The following OR4N2 variants were observed in gnomAD, a reference collection of about 807,000 sequenced individuals.
OR4N2 encodes olfactory receptor 4N2.
For missense variants in OR4N2, 307 were observed against 377.6 expected, an observed-to-expected ratio of 0.81 and a Z score of 1.55; for synonymous variants, 141 against 140.4, an observed-to-expected ratio of 1.00 and a Z score of -0.03.
chr14:19,817,120 G>A (rs757361752), intron 1 of OR4N2, among the ~76,000 whole-genome samples: 19 of 152,140 alleles, frequency 1.2e-4, no homozygotes, highest in African/African-American at 2.9e-4. Context: ...TTTTTGCATC[G>A]ATGTTCATCA....
rs1415325374 is a variant in OR4N2 at position 19,829,964 on chromosome 14, AT to A, written c.*1593del. The A allele has an allele frequency of 6.6e-6, 1 of 152,252 alleles. No individual in the cohort carries two copies. Among genetic ancestry groups the A allele is most frequent in the Non-Finnish European group, 1.5e-5 (1 of 68,058 alleles). The allele number at this position is 152,252 out of a possible 1,614,324, so 9.4% of individuals were successfully genotyped here. A position where few individuals can be genotyped will look rare whatever the true frequency, so the allele number is the denominator to read the frequency against. On this transcript the variant is annotated 3_prime_UTR_variant, in exon 2 of 2. Coordinates refer to ENST00000557677, the MANE Select transcript of OR4N2 (RefSeq NM_001004723.3). ...GCAGGTGAGAATTCCTTAATCTCCC[AT>A]CACTACCACTATACAACCTGCATCT...
rs1431633969 is a variant in OR4N2 at position 19,827,514 on chromosome 14, T to C, written c.66T>C (p.Asp22=). ...FILLGLTQSQ[D]IQLLVFVLVL... ...TCCTTGGTCTGACCCAGTCTCAAGA[T>C]ATTCAGCTCCTGGTCTTTGTGCTAG... The change falls in exon 2 of 2, where the codon GAT becomes GAC. Residue 22 remains aspartate (D), a synonymous_variant. Transcript: ENST00000557677. 4 of 1,613,618 alleles carry C rather than the reference T, an allele frequency of 2.5e-6. No individual in the cohort carries two copies. In the Admixed American group the frequency reaches 5.0e-5, roughly 20 times the overall value.
chr14:19,814,084 C>T (rs1879367810), intron 1 of OR4N2, among the ~76,000 whole-genome samples: 1 of 152,010 alleles, frequency 6.6e-6, no homozygotes. Context: ...TCTTATTTCA[C>T]TTGTAAAGTG....
chr14:19,812,781 G>A (rs1373868008), intron 1 of OR4N2, among the ~76,000 whole-genome samples: 1 of 152,072 alleles, frequency 6.6e-6, no homozygotes. Context: ...CTTATTGGCC[G>A]TAAACATGTC....
At chr14:19,823,087 T>C (rs1164199809) in intron 1 of OR4N2, among the ~76,000 whole-genome samples, 2 of 152,288 alleles carry the variant, frequency 1.3e-5, no homozygotes, top group African/African-American at 4.8e-5. Flanking sequence ...GTGCTTTATA[T>C]ACTCATCAGC....
chr14:19,812,580 G>GATCTCCT (rs1246105657), intron 1 of OR4N2, among the ~76,000 whole-genome samples: 10 of 152,028 alleles, frequency 6.6e-5, no homozygotes, highest in African/African-American at 2.4e-4. Context: ...GAATGGTCTC[G>GATCTCCT]GTCTCCTGAC....
chr14:19,805,833 A>G (rs1475750424), intron 1 of OR4N2, among the ~76,000 whole-genome samples: 1 of 152,184 alleles, frequency 6.6e-6, no homozygotes, highest in Non-Finnish European at 1.5e-5. Flanking sequence ...AAGAAAGGTC[A>G]GGTTATGTAC....
At chr14:19,805,258 C>G (rs1264590141) in intron 1 of OR4N2, among the ~76,000 whole-genome samples, 1 of 152,138 alleles carries the variant, frequency 6.6e-6, no homozygotes, top group Non-Finnish European at 1.5e-5. Context: ...TAATAAATTA[C>G]TGAAATGACA....
intron 1 of OR4N2, among the ~76,000 whole-genome samples, chr14:19,804,164 AT>A (rs2138456005): frequency 6.6e-6 from 1 of 152,240 alleles, no homozygotes; most frequent in Admixed American, 6.5e-5. Flanking sequence ...GGATTTGTTA[AT>A]CTTTTGTATG....
chr14:19,814,746 T>C (rs890456498), intron 1 of OR4N2, among the ~76,000 whole-genome samples: 23 of 152,254 alleles, frequency 1.5e-4, no homozygotes, highest in African/African-American at 5.5e-4. Context: ...TAGGTAAATA[T>C]GTGCCATGGT....
chr14:19,828,327 A>G lies in OR4N2; in HGVS notation c.879A>G (p.Glu293=), dbSNP rs1432003309. ...NPVIYTLRNQ[E]VKASMKKVFN... ...TCATTTATACCCTTCGCAACCAGGA[A>G]GTGAAAGCTTCCATGAAAAAGGTGT... Residue 293 remains glutamate (E), a synonymous_variant, in exon 2 of 2, where the codon GAA becomes GAG. Transcript: ENST00000557677. 2 of 1,614,024 alleles carry G rather than the reference A, an allele frequency of 1.2e-6. No individual in the cohort carries two copies. The highest frequency in any genetic ancestry group is 2.2e-5 in the East Asian group (1 of 44,884).
At chr14:19,807,227 C>T (rs981946976) in intron 1 of OR4N2, among the ~76,000 whole-genome samples, 3 of 150,158 alleles carry the variant, frequency 2.0e-5, no homozygotes, top group African/African-American at 7.3e-5. Context: ...GATATAACTA[C>T]AAACAGAGAG....
Position 19,828,037 on chromosome 14 carries a change from C to A in OR4N2, c.589C>A (p.Leu197Ile), listed in dbSNP as rs1879765212. 1 of 1,614,132 alleles carries A rather than the reference C, an allele frequency of 6.2e-7. No homozygotes were observed. Among genetic ancestry groups the A allele is most frequent in the Non-Finnish European group, 8.5e-7 (1 of 1,180,054 alleles). The stretch of plus-strand genomic sequence containing the variant: ...CTGCACCGACACATTTGTGGTGGAG[C>A]TTCTGATGGTCTTCAACAGTGGCCT... ...LACTDTFVVE[L>I]LMVFNSGLMT... The change falls in exon 2 of 2, where the codon CTT becomes ATT. Residue 197 changes from leucine (L) to isoleucine (I), a missense_variant. Coordinates refer to ENST00000557677, the MANE Select transcript of OR4N2 (RefSeq NM_001004723.3).
At chr14:19,821,251 G>A (rs1243063907) in intron 1 of OR4N2, among the ~76,000 whole-genome samples, 4 of 152,222 alleles carry the variant, frequency 2.6e-5, no homozygotes, top group East Asian at 3.9e-4. Context: ...ACCCTCCGTG[G>A]GCTGCACCCA....
At chr14:19,816,327 A>G (rs1424629835) in intron 1 of OR4N2, among the ~76,000 whole-genome samples, 2 of 152,248 alleles carry the variant, frequency 1.3e-5, no homozygotes, top group African/African-American at 2.4e-5. Flanking sequence ...CTTCCTATCC[A>G]TGAGCACAGA....
At position 19,830,007 on chromosome 14, in the gene OR4N2, T is replaced by A. The variant is rs1879826861; in HGVS notation, c.*1635T>A. The A allele has an allele frequency of 6.6e-6, 1 of 152,400 alleles. No homozygotes were observed. Among genetic ancestry groups the A allele is most frequent in the African/African-American group, 2.4e-5 (1 of 41,460 alleles). 9.4% of individuals were successfully genotyped at this position (152,400 alleles called of 1,614,324 possible). A position where few individuals can be genotyped will look rare whatever the true frequency, so the allele number is the denominator to read the frequency against. ...CCTGCATCTGTGATTAAGTTTCCTT[T>A]AACTTCTCCTGAGACTGAGTGACCT... On this transcript the variant is annotated 3_prime_UTR_variant, in exon 2 of 2. Transcript: ENST00000557677.
At chr14:19,817,677 C>T in intron 1 of OR4N2, among the ~76,000 whole-genome samples, 1 of 152,202 alleles carries the variant, frequency 6.6e-6, no homozygotes, top group Non-Finnish European at 1.5e-5. Flanking sequence ...TTTTTTGTGT[C>T]TCTATCTCCT....
chr14:19,825,138 T>C (rs562765243), intron 1 of OR4N2, among the ~76,000 whole-genome samples: 53 of 152,390 alleles, frequency 3.5e-4, no homozygotes, highest in African/African-American at 1.3e-3. Context: ...TTTGTGTGTG[T>C]TTGTATGTAT....
chr14:19,823,651 G>GA (rs1309176884), intron 1 of OR4N2, among the ~76,000 whole-genome samples: 2 of 151,398 alleles, frequency 1.3e-5, no homozygotes, highest in South Asian at 2.1e-4. Flanking sequence ...ATATCAGAGT[G>GA]AAAAAACATA....
Sources: gnomAD v4.1 joint callset for allele counts (sites outside exome capture counted in the v4.1 genomes callset) on GRCh38, gnomAD v4.1.1 for gene constraint, MANE v1.5 for transcripts, NCBI Gene and HGNC (gene_info 2026-07-23, HGNC 2026-07-21) for gene names.